Variants in DLGAP2 observed in about 807,000 individuals in gnomAD.
DLGAP2 encodes disks large-associated protein 2.
Under a neutral mutation model 100.3 loss-of-function variants are expected in DLGAP2, and 26 were observed. That is an observed-to-expected ratio of 0.26 (90% CI 0.19 to 0.36). The LOEUF is 0.36. DLGAP2 is among the 10% of genes least tolerant of loss of function. The pLI is 1.00. For synonymous variants in DLGAP2, 886 were observed against 630.1 expected, an observed-to-expected ratio of 1.41 and a Z score of -6.08; for missense variants, 1,858 against 1,453.2, an observed-to-expected ratio of 1.28 and a Z score of -4.53.
chr8:1,524,277 C>G (rs946621751), intron 4 of DLGAP2, among the ~76,000 whole-genome samples: 3 of 152,136 alleles, frequency 2.0e-5, no homozygotes, highest in Non-Finnish European at 4.4e-5. Context: ...GTCCACCAAT[C>G]TCCTTAGAAG....
chr8:930,016 G>C (rs1191287410), intron 2 of DLGAP2, among the ~76,000 whole-genome samples: 1 of 152,054 alleles, frequency 6.6e-6, no homozygotes, highest in African/African-American at 2.4e-5. Flanking sequence ...GAGTGAGTTG[G>C]TGCACCTGCT....
intron 1 of DLGAP2, among the ~76,000 whole-genome samples, chr8:809,045 T>C (rs544251928): frequency 6.6e-6 from 1 of 152,082 alleles, no homozygotes; most frequent in South Asian, 2.1e-4. Flanking sequence ...TAGCTGAGAT[T>C]ACAGGTGTGC....
chr8:1,030,250 T>G (rs1400620206), intron 2 of DLGAP2, among the ~76,000 whole-genome samples: 2 of 152,322 alleles, frequency 1.3e-5, no homozygotes, highest in East Asian at 3.9e-4. Flanking sequence ...ATTAAATAAA[T>G]AGTGAAAATC....
intron 1 of DLGAP2, among the ~76,000 whole-genome samples, chr8:886,640 T>C (rs1350264598): frequency 2.6e-5 from 4 of 152,234 alleles, no homozygotes; most frequent in Non-Finnish European, 5.9e-5. Flanking sequence ...CCAGGAGTCA[T>C]TCAGGAGCAG....
chr8:1,443,493 G>T (rs115866445), intron 3 of DLGAP2, among the ~76,000 whole-genome samples: 2 of 152,192 alleles, frequency 1.3e-5, no homozygotes, highest in African/African-American at 4.8e-5. Flanking sequence ...CTGCAAGAGA[G>T]GGGTGGCGTG....
At chr8:975,229 A>C (rs1276273990) in intron 2 of DLGAP2, among the ~76,000 whole-genome samples, 4 of 152,208 alleles carry the variant, frequency 2.6e-5, no homozygotes, top group African/African-American at 7.2e-5. Context: ...ATATCTATTA[A>C]AGAAATTTAA....
At chr8:1,102,270 TATATA>T (rs1301701816) in intron 2 of DLGAP2, among the ~76,000 whole-genome samples, 4 of 147,530 alleles carry the variant, frequency 2.7e-5, no homozygotes, top group South Asian at 2.1e-4. Flanking sequence ...TTTACATACA[TATATA>T]ATATATAATA....
chr8:1,484,774 G>A (rs1799196433), intron 3 of DLGAP2, among the ~76,000 whole-genome samples: 1 of 152,206 alleles, frequency 6.6e-6, no homozygotes, highest in Non-Finnish European at 1.5e-5. Context: ...GACAGAGGTG[G>A]TAGCAGAGCC....
intron 1 of DLGAP2, among the ~76,000 whole-genome samples, chr8:772,658 A>G (rs1821396665): frequency 6.6e-6 from 1 of 152,168 alleles, no homozygotes; most frequent in Non-Finnish European, 1.5e-5. Context: ...CTTTGGTACT[A>G]AGTCTTCAAA....
At chr8:1,356,627 A>G (rs1801858631) in intron 3 of DLGAP2, among the ~76,000 whole-genome samples, 2 of 152,172 alleles carry the variant, frequency 1.3e-5, no homozygotes, top group African/African-American at 4.8e-5. Flanking sequence ...GTACGAGGGG[A>G]AAACAGACAG....
At chr8:1,249,024 C>G (rs192110757) in intron 2 of DLGAP2, among the ~76,000 whole-genome samples, 4 of 152,220 alleles carry the variant, frequency 2.6e-5, no homozygotes, top group East Asian at 1.9e-4. Context: ...AGGAGAGAGG[C>G]CCTTTATGCT....
At chr8:1,364,026 A>T (rs537187600) in intron 3 of DLGAP2, among the ~76,000 whole-genome samples, 103 of 152,058 alleles carry the variant, frequency 6.8e-4, no homozygotes, top group South Asian at 2.3e-3. Flanking sequence ...CCCCTCACTG[A>T]TCCTCATGGA....
chr8:1,038,203 T>C (rs1244436458), intron 2 of DLGAP2, among the ~76,000 whole-genome samples: 1 of 152,254 alleles, frequency 6.6e-6, no homozygotes, highest in Non-Finnish European at 1.5e-5. Flanking sequence ...TCAGTGTCTG[T>C]GGTTGAGAGT....
Position 1,702,510 on chromosome 8 carries a change from G to C in DLGAP2, c.*1104G>C, listed in dbSNP as rs1260456555. 6.6e-6 allele frequency: 1 copy of C among 152,538 alleles called. No individual in the cohort carries two copies. The highest frequency in any genetic ancestry group is 1.5e-5 in the Non-Finnish European group (1 of 68,026). The allele number at this position is 152,538 out of a possible 1,614,324, so 9.4% of individuals were successfully genotyped here. ...TGTAGTTTACATTTGTATTTTTCCA[G>C]AATTCTTTTGTCCTATGCAGTATTG... On this transcript the variant is annotated 3_prime_UTR_variant, in exon 15 of 15. Transcript: ENST00000637795.
At chr8:1,204,279 A>G (rs752261474) in intron 2 of DLGAP2, among the ~76,000 whole-genome samples, 2 of 152,212 alleles carry the variant, frequency 1.3e-5, no homozygotes, top group Non-Finnish European at 2.9e-5. Context: ...ACAGGATGAG[A>G]CAATCTCATC....
At chr8:1,360,883 T>C (rs1801968321) in intron 3 of DLGAP2, among the ~76,000 whole-genome samples, 1 of 152,222 alleles carries the variant, frequency 6.6e-6, no homozygotes, top group Non-Finnish European at 1.5e-5. Flanking sequence ...GGGAATGCTC[T>C]GGCCCCACCG....
chr8:1,040,681 G>A (rs547811219), intron 2 of DLGAP2, among the ~76,000 whole-genome samples: 5 of 150,116 alleles, frequency 3.3e-5, no homozygotes, highest in Admixed American at 6.6e-5. Context: ...TGGTCGGCTC[G>A]GTTTCCGTGG....
intron 4 of DLGAP2, among the ~76,000 whole-genome samples, chr8:1,502,710 G>C (rs1014004967): frequency 1.3e-5 from 2 of 152,190 alleles, no homozygotes; most frequent in African/African-American, 4.8e-5. Flanking sequence ...TGCCTGGGGA[G>C]GCTTCCAAAT....
chr8:1,446,418 T>C (rs193035431), intron 3 of DLGAP2, among the ~76,000 whole-genome samples: 7,533 of 152,252 alleles, frequency 0.049, 275 homozygotes, highest in Non-Finnish European at 0.076. Context: ...GTGGCATTAT[T>C]TCTGAGGGCT....
Sources: gnomAD v4.1 joint callset for allele counts (sites outside exome capture counted in the v4.1 genomes callset) on GRCh38, gnomAD v4.1.1 for gene constraint, MANE v1.5 for transcripts, NCBI Gene and HGNC (gene_info 2026-07-23, HGNC 2026-07-21) for gene names.